WDR33: variants seen among roughly 807,000 people sequenced by gnomAD.
The protein encoded by WDR33 is WD repeat domain 33.
A neutral mutation model predicts 164.9 loss-of-function variants in WDR33; 47 were observed. The ratio of observed to expected loss-of-function variants is 0.29; its 90% CI spans 0.23 to 0.36. The LOEUF (loss-of-function observed/expected upper bound fraction) is 0.36, where lower values mean the gene tolerates loss of function less well. Among genes scored for constraint, WDR33 ranks in the 10% least tolerant of loss-of-function variants. The pLI is 1.00. For missense variants in WDR33, 1,137 were observed against 1,754.1 expected (o/e 0.65, Z 6.28); for synonymous variants, 505 against 589.0 (o/e 0.86, Z 2.06).
In WDR33 at chr2:127,708,639, T is replaced by G; in HGVS notation, c.3781+38A>C. On this transcript the variant is annotated intron_variant, in intron 21 of 21. Transcript: ENST00000322313. The surrounding 1 kb of genome is among the most constrained non-coding windows in gnomAD (Gnocchi z 6.7). Reference sequence around the variant, plus strand: ...TACAGGCAAGGCCTCCATCGGCCCCTGCATCTCCTGGAACCATAACCACTG... The same window carrying G: ...TACAGGCAAGGCCTCCATCGGCCCCGGCATCTCCTGGAACCATAACCACTG... The G allele has an allele frequency of 6.5e-7, 1 of 1,535,678 alleles. No homozygotes were observed. Among genetic ancestry groups the G allele is most frequent in the Non-Finnish European group, 8.8e-7 (1 of 1,139,344 alleles).
chr2:127,743,489 A>T (rs189522288), intron 7 of WDR33, among the ~76,000 whole-genome samples: 115 of 152,326 alleles, frequency 7.5e-4, no homozygotes, highest in African/African-American at 2.6e-3. Flanking sequence ...TATCAATAGT[A>T]TCATTCATAG....
intron 1 of WDR33, among the ~76,000 whole-genome samples, chr2:127,797,401 A>G (rs1175550836): frequency 6.6e-6 from 1 of 152,096 alleles, no homozygotes; most frequent in African/African-American, 2.4e-5. Flanking sequence ...CTGAGGCAGG[A>G]GAATCACTTG....
At chr2:127,740,239 T>C (rs527599184) in intron 7 of WDR33, among the ~76,000 whole-genome samples, 4 of 152,284 alleles carry the variant, frequency 2.6e-5, no homozygotes, top group East Asian at 1.9e-4. Context: ...TGTTAAAGAA[T>C]GTTAACTCAT....
At position 127,723,356 on chromosome 2, in the gene WDR33, A is replaced by G. The variant is rs1280816296; in HGVS notation, c.1197-9T>C. Reference sequence around the variant, plus strand: ...TTCGAGTCCAGAATTTGCTGTAAAAATAATTAAAGGAGAAAAGAAGCATGG... The same window carrying G: ...TTCGAGTCCAGAATTTGCTGTAAAAGTAATTAAAGGAGAAAAGAAGCATGG... On this transcript the variant is annotated splice_polypyrimidine_tract_variant and intron_variant, in intron 11 of 21. Coordinates refer to ENST00000322313, the MANE Select transcript of WDR33 (RefSeq NM_018383.5). The surrounding 1 kb of genome is among the most constrained non-coding windows in gnomAD (Gnocchi z 5.9). 1.2e-6 allele frequency: 2 copies of G among 1,612,744 alleles called. No individual in the cohort carries two copies. The highest frequency in any genetic ancestry group is 3.3e-5 in the Admixed American group (2 of 60,030).
At position 127,720,540 on chromosome 2, in the gene WDR33, C is replaced by T. The variant is rs1370312437; in HGVS notation, c.1672-187G>A. On this transcript the variant is annotated intron_variant, in intron 15 of 21. Coordinates refer to ENST00000322313, the MANE Select transcript of WDR33 (RefSeq NM_018383.5). This position sits in a 1 kb window ranked among gnomAD's most constrained non-coding sequence, Gnocchi z 5.9. The stretch of plus-strand genomic sequence containing the variant: ...CTGTAAGGAGTTTTAGGTTCTTTCT[C>T]ATTCTTTTTAAGTCCTGGGACACAG... Among the ~76,000 whole-genome samples, 2 of 152,062 alleles carry T rather than the reference C, an allele frequency of 1.3e-5. No homozygotes were observed. Among genetic ancestry groups the T allele is most frequent in the East Asian group, 3.9e-4 (2 of 5,194 alleles).
intron 1 of WDR33, among the ~76,000 whole-genome samples, chr2:127,785,790 G>A (rs1417031830): frequency 6.6e-6 from 1 of 152,148 alleles, no homozygotes; most frequent in East Asian, 1.9e-4. Context: ...AAACATTTGT[G>A]TGCACGTTTT....
Position 127,701,875 on chromosome 2 carries a change from C to T in WDR33, c.*4448G>A. The T allele has an allele frequency of 4.1e-6, 6 of 1,456,712 alleles. No individual in the cohort carries two copies. Among genetic ancestry groups the T allele is most frequent in the South Asian group, 2.6e-5 (2 of 77,348 alleles). The allele number at this position is 1,456,712 out of a possible 1,614,324, so 90.2% of individuals were successfully genotyped here. ...TTCGCGCTGCTCTGGTCACTGGGCT[C>T]GGCGCTGGCGTTGGCGGGAAGCGCG... is the stretch of plus-strand genomic sequence containing the variant. On this transcript the variant is annotated 3_prime_UTR_variant, in exon 22 of 22. Transcript: ENST00000322313.
intron 21 of WDR33, among the ~76,000 whole-genome samples, chr2:127,707,973 C>T (rs11681053): frequency 0.13 from 20,048 of 152,150 alleles, 1,442 homozygotes; most frequent in South Asian, 0.25. Flanking sequence ...AATGGCAGAA[C>T]TCTGTACTGG....
At chr2:127,787,476 C>T (rs1422188777) in intron 1 of WDR33, among the ~76,000 whole-genome samples, 3 of 137,028 alleles carry the variant, frequency 2.2e-5, no homozygotes, top group Admixed American at 1.4e-4. Context: ...GGCAGCTGGC[C>T]GGGCGGGGGG....
In WDR33 at chr2:127,718,910, C is replaced by T. The variant is rs7595381; in HGVS notation, c.2760+355G>A. On this transcript the variant is annotated intron_variant, in intron 16 of 21. Coordinates refer to ENST00000322313, the MANE Select transcript of WDR33 (RefSeq NM_018383.5). The surrounding 1 kb of genome is among the most constrained non-coding windows in gnomAD (Gnocchi z 4.4). ...GAAAGGAGGCATGACAGCCTCAGAG[C>T]CGACCACCATGTAAAACATGCTTCC... Among the ~76,000 whole-genome samples, 38,791 of 152,088 alleles carry T rather than the reference C, an allele frequency of 0.26. 5,216 individuals carry two copies. The highest frequency in any genetic ancestry group is 0.33 in the South Asian group (1,599 of 4,824).
chr2:127,773,416 C>G (rs1688076017), intron 1 of WDR33, among the ~76,000 whole-genome samples: 1 of 151,812 alleles, frequency 6.6e-6, no homozygotes, highest in Non-Finnish European at 1.5e-5. Context: ...ATAATAATAA[C>G]AACAAGGAGG....
chr2:127,740,154 TGAG>T (rs965947416), intron 7 of WDR33, among the ~76,000 whole-genome samples: 1 of 152,186 alleles, frequency 6.6e-6, no homozygotes, highest in Non-Finnish European at 1.5e-5. Flanking sequence ...CCTCCAACAC[TGAG>T]AAGATGATAC....
chr2:127,770,969 T>C lies in WDR33; in HGVS notation c.13A>G (p.Ile5Val). ...TGGAAAAAACGAGGAGGAGAACCAATTTCTGTAGCCATGGTGATGTTTTCC... is the reference window on the plus strand; with the variant it reads ...TGGAAAAAACGAGGAGGAGAACCAACTTCTGTAGCCATGGTGATGTTTTCC... MATE[I>V]GSPPRFFHMP... Residue 5 changes from isoleucine to valine, a missense_variant, in exon 2 of 22, where the codon ATT becomes GTT. Physicochemically the swap from Ile to Val is conservative, Grantham distance 29. Transcript: ENST00000322313. This position sits in a 1 kb window ranked among gnomAD's most constrained non-coding sequence, Gnocchi z 4.9. 4 of 1,613,752 alleles carry C rather than the reference T, an allele frequency of 2.5e-6. No individual in the cohort carries two copies. Among genetic ancestry groups the C allele is most frequent in the Non-Finnish European group, 3.4e-6 (4 of 1,179,798 alleles).
At position 127,722,703 on chromosome 2, in the gene WDR33, A is replaced by G. The variant is rs764653670; in HGVS notation, c.1406T>C (p.Met469Thr). The G allele has an allele frequency of 6.2e-7, 1 of 1,613,994 alleles. No homozygotes were observed. The highest frequency in any genetic ancestry group is 8.5e-7 in the Non-Finnish European group (1 of 1,179,970). The change falls in exon 14 of 22, where the codon ATG (methionine) becomes ACG (threonine). Residue 469 changes from methionine to threonine, a missense_variant. Met to Thr is a moderately conservative substitution (Grantham distance 81, BLOSUM62 -1). Around this residue, in one of 9 missense-constraint regions of WDR33, gnomAD observed 75 missense variants for 124.7 expected, o/e 0.60. Coordinates refer to ENST00000322313, the MANE Select transcript of WDR33 (RefSeq NM_018383.5). The surrounding 1 kb of genome is among the most constrained non-coding windows in gnomAD (Gnocchi z 5.1). Reference protein sequence around the residue: ...MGKDESNEIEMTIPGLDWGME... With the variant: ...MGKDESNEIETTIPGLDWGME... ...TCCCCAATCTAAACCTGGAATTGTC[A>G]TTTCAATTTCATTTGATTCATCTTT... is the stretch of plus-strand genomic sequence containing the variant.
chr2:127,737,848 A>T lies in WDR33; in HGVS notation c.725-11071T>A, dbSNP rs182829527. On this transcript the variant is annotated intron_variant, in intron 7 of 21. Transcript: ENST00000322313. The stretch of plus-strand genomic sequence containing the variant: ...TTAATTGAGAATTTAGAAACATAAA[A>T]GCAACAAATAATCCGTGTCAAAGTA... The T allele has an allele frequency of 1.4e-4, 194 of 1,378,660 alleles. No individual in the cohort carries two copies. In the African/African-American group the frequency reaches 2.5e-3, roughly 18 times the overall value. 85.4% of individuals were successfully genotyped at this position (1,378,660 alleles called of 1,614,324 possible). A position where few individuals can be genotyped will look rare whatever the true frequency, so the allele number is the denominator to read the frequency against.
chr2:127,762,233 T>TA (rs1433518914), intron 7 of WDR33, among the ~76,000 whole-genome samples: 1 of 152,180 alleles, frequency 6.6e-6, no homozygotes, highest in Non-Finnish European at 1.5e-5. Flanking sequence ...TACTGTTTGT[T>TA]AAACAGTACA....
intron 7 of WDR33, among the ~76,000 whole-genome samples, chr2:127,747,586 T>C (rs1023119081): frequency 3.3e-5 from 5 of 152,182 alleles, no homozygotes; most frequent in African/African-American, 9.6e-5. Flanking sequence ...TATGGGAAAA[T>C]TCTATACGCC....
intron 7 of WDR33, among the ~76,000 whole-genome samples, chr2:127,747,654 C>T (rs180688932): frequency 6.6e-6 from 1 of 152,124 alleles, no homozygotes; most frequent in African/African-American, 2.4e-5. Context: ...ATGTATCCTG[C>T]TTGTCTAATG....
intron 8 of WDR33, among the ~76,000 whole-genome samples, 156 bp from the exon 9 acceptor site, chr2:127,725,371 T>A (rs539373830): frequency 6.6e-6 from 1 of 152,212 alleles, no homozygotes; most frequent in Admixed American, 6.5e-5. Context: ...ATAAACACAC[T>A]TGAAAGAAAC....
Sources: gnomAD v4.1 joint callset for allele counts (sites outside exome capture counted in the v4.1 genomes callset) on GRCh38, gnomAD v4.1.1 for gene constraint, gnomAD v4.1.1 regional missense constraint, Gnocchi (gnomAD v3.1) non-coding constraint, MANE v1.5 for transcripts, NCBI Gene and HGNC (gene_info 2026-07-23, HGNC 2026-07-21) for gene names.